The following AKAP13 variants were observed in gnomAD, a reference collection of about 807,000 sequenced individuals.
AKAP13 encodes the protein A-kinase anchor protein 13.
A neutral mutation model predicts 264.5 loss-of-function variants in AKAP13; 80 were observed. The observed-to-expected ratio is 0.30, with a 90% CI of 0.25 to 0.36. The LOEUF (loss-of-function observed/expected upper bound fraction) is 0.36, where lower values mean the gene tolerates loss of function less well. AKAP13 is among the 10% of genes least tolerant of loss of function. The pLI is 1.00. For synonymous variants in AKAP13, 1,380 were observed against 1,250.2 expected (o/e 1.10, Z -2.19); for missense variants, 3,712 against 3,435.2 (o/e 1.08, Z -2.01).
Position 85,723,172 on chromosome 15 carries a change from G to A in AKAP13, c.6597G>A (p.Val2199=), listed in dbSNP as rs1283910564. The change falls in exon 26 of 37, where the codon GTG becomes GTA. Residue 2199 remains valine, a synonymous_variant. Coordinates refer to ENST00000394518, the MANE Select transcript of AKAP13 (RefSeq NM_007200.5). ...DSKVASYEKK[V]RLNEIYTKTD... is the part of the protein sequence containing the mutation. ...AAGTGGCAAGTTATGAAAAGAAAGT[G>A]CGTCTCAATGAGATTTATACAAAGA... 1.2e-6 allele frequency: 2 copies of A among 1,614,148 alleles called. No homozygotes were observed. The highest frequency in any genetic ancestry group is 2.2e-5 in the South Asian group (2 of 91,076).
At chr15:85,567,495 A>G (rs1471804514) in intron 5 of AKAP13, among the ~76,000 whole-genome samples, 1 of 152,196 alleles carries the variant, frequency 6.6e-6, no homozygotes, top group Admixed American at 6.5e-5. Flanking sequence ...TGTACCTTGT[A>G]CCCATTAACA....
At chr15:85,626,573 G>C (rs1043526834) in intron 8 of AKAP13, among the ~76,000 whole-genome samples, 1 of 152,220 alleles carries the variant, frequency 6.6e-6, no homozygotes, top group African/African-American at 2.4e-5. Context: ...GCATGTGTCA[G>C]AATTTCCTTT....
chr15:85,401,667 C>A (rs770270197), intron 1 of AKAP13, among the ~76,000 whole-genome samples: 1 of 152,186 alleles, frequency 6.6e-6, no homozygotes, highest in Non-Finnish European at 1.5e-5. Context: ...ATTAGCAGGT[C>A]AACCAACAAA....
intron 1 of AKAP13, among the ~76,000 whole-genome samples, chr15:85,416,227 A>C (rs1567046020): frequency 6.6e-6 from 1 of 152,222 alleles, no homozygotes; most frequent in South Asian, 2.1e-4. Flanking sequence ...TTCATTGTGC[A>C]GTTTATGTTT....
chr15:85,429,689 A>T (rs2072944247), intron 1 of AKAP13, among the ~76,000 whole-genome samples: 1 of 152,174 alleles, frequency 6.6e-6, no homozygotes, highest in Non-Finnish European at 1.5e-5. Context: ...AGAGAGCACA[A>T]ATCTGCATAG....
chr15:85,566,818 C>T (rs565170871), intron 5 of AKAP13, among the ~76,000 whole-genome samples: 4 of 151,216 alleles, frequency 2.6e-5, no homozygotes, highest in East Asian at 2.0e-4. Flanking sequence ...TGGGTGGAGA[C>T]GGGGTTTCCC....
At chr15:85,691,217 G>T (rs1207291982) in intron 16 of AKAP13, among the ~76,000 whole-genome samples, 5 of 152,174 alleles carry the variant, frequency 3.3e-5, no homozygotes, top group African/African-American at 1.2e-4. Flanking sequence ...TTGACAATAG[G>T]TAAAACCTCT....
chr15:85,553,410 A>G (rs1043777821), intron 5 of AKAP13, among the ~76,000 whole-genome samples: 5 of 152,182 alleles, frequency 3.3e-5, no homozygotes, highest in Admixed American at 3.3e-4. Flanking sequence ...TTCTTATACC[A>G]TTTAAATTTT....
rs1597257069 is a variant in AKAP13 at position 85,745,383 on chromosome 15, C to T, written c.*706C>T. 6.6e-6 allele frequency: 1 copy of T among 152,258 alleles called. No individual in the cohort carries two copies. Among genetic ancestry groups the T allele is most frequent in the South Asian group, 2.1e-4 (1 of 4,814 alleles). 9.4% of individuals were successfully genotyped at this position (152,258 alleles called of 1,614,324 possible). A position where few individuals can be genotyped will look rare whatever the true frequency, so the allele number is the denominator to read the frequency against. Reference sequence around the variant, plus strand: ...ATGTGTATAAAAGACGTGATGTGCACCACCTCGATCTCGGTGTTTCAGGCA... The same window carrying T: ...ATGTGTATAAAAGACGTGATGTGCATCACCTCGATCTCGGTGTTTCAGGCA... On this transcript the variant is annotated 3_prime_UTR_variant, in exon 37 of 37. Transcript: ENST00000394518.
chr15:85,732,071 A>C (rs1282213963), intron 30 of AKAP13, among the ~76,000 whole-genome samples: 1 of 133,214 alleles, frequency 7.5e-6, no homozygotes. Context: ...CAACAGAGCG[A>C]GACTATCTCA....
At position 85,580,727 on chromosome 15, in the gene AKAP13, A is replaced by G. The variant is rs375349691; in HGVS notation, c.2659A>G (p.Lys887Glu). 5.6e-6 allele frequency: 9 copies of G among 1,614,032 alleles called. No individual in the cohort carries two copies. Among genetic ancestry groups the G allele is most frequent in the Non-Finnish European group, 6.8e-6 (8 of 1,180,034 alleles). ...PPAIPEALNI[K>E]GNTDSSLQSV... ...AGCAATCCCAGAAGCTCTGAATATC[A>G]AGGGGAACACTGACTCTTCCCTGCA... Residue 887 changes from lysine to glutamate, a missense_variant, in exon 7 of 37, where the codon AAG becomes GAG. By Grantham distance (56) the Lys-to-Glu change is moderately conservative. Transcript: ENST00000394518.
chr15:85,393,020 CAT>C (rs1195680006), intron 1 of AKAP13, among the ~76,000 whole-genome samples: 3 of 152,200 alleles, frequency 2.0e-5, no homozygotes, highest in African/African-American at 7.2e-5. Context: ...CTTCTAAAAA[CAT>C]ACTCAGTGAT....
chr15:85,396,293 G>A (rs1159184381), intron 1 of AKAP13, among the ~76,000 whole-genome samples: 1 of 152,154 alleles, frequency 6.6e-6, no homozygotes, highest in Non-Finnish European at 1.5e-5. Flanking sequence ...GTAGGGCTCT[G>A]TCACTTTCCG....
At chr15:85,591,083 T>A (rs1228381181) in intron 8 of AKAP13, among the ~76,000 whole-genome samples, 1 of 152,220 alleles carries the variant, frequency 6.6e-6, no homozygotes, top group Non-Finnish European at 1.5e-5. Flanking sequence ...CCGTTACAAT[T>A]TGAAAGAACC....
At chr15:85,725,122 A>G (rs188958029) in intron 26 of AKAP13, among the ~76,000 whole-genome samples, 2 of 152,330 alleles carry the variant, frequency 1.3e-5, no homozygotes, top group Admixed American at 1.3e-4. Context: ...CAAAATAAAA[A>G]CTAGTAGATT....
intron 20 of AKAP13, among the ~76,000 whole-genome samples, chr15:85,716,193 T>C (rs1369457029): frequency 6.6e-6 from 1 of 152,108 alleles, no homozygotes; most frequent in Non-Finnish European, 1.5e-5. Flanking sequence ...ATCTGAGTTC[T>C]AAAAAGATGA....
intron 16 of AKAP13, among the ~76,000 whole-genome samples, chr15:85,686,165 G>GTGTGTGTA (rs1420664417): frequency 2.4e-4 from 32 of 132,204 alleles, no homozygotes; most frequent in African/African-American, 8.8e-4. Context: ...GTGTGTGTGT[G>GTGTGTGTA]TATGTGTGTG....
chr15:85,483,603 G>C (rs896402661), intron 1 of AKAP13, among the ~76,000 whole-genome samples: 6 of 142,036 alleles, frequency 4.2e-5, no homozygotes, highest in Non-Finnish European at 9.1e-5. Context: ...TCCGCAGTCC[G>C]GCCTGGGCGA....
intron 1 of AKAP13, among the ~76,000 whole-genome samples, chr15:85,442,490 A>ATATATATATATATATATT (rs1491272735): frequency 9.1e-6 from 1 of 110,456 alleles, no homozygotes; most frequent in Non-Finnish European, 1.8e-5. Flanking sequence ...TAATATATAT[A>ATATATATATATATATATT]ATATATATTA....
Sources: allele counts gnomAD v4.1 joint callset (sites outside exome capture counted in the v4.1 genomes callset), GRCh38; gene constraint gnomAD v4.1.1; transcripts MANE v1.5; gene names NCBI Gene and HGNC (gene_info 2026-07-23, HGNC 2026-07-21).